Variants in TNFRSF13B observed in about 807,000 individuals in gnomAD.
TNFRSF13B encodes the protein tumor necrosis factor receptor superfamily member 13B.
A neutral mutation model predicts 24.0 loss-of-function variants in TNFRSF13B; 34 were observed. The ratio of observed to expected loss-of-function variants is 1.41; its 90% CI spans 1.08 to 1.88. TNFRSF13B has a LOEUF of 1.88. Ranked by LOEUF, TNFRSF13B falls within the 40% of genes most tolerant of loss-of-function variation. The pLI is 0.00. For missense variants in TNFRSF13B, 415 were observed against 380.8 expected (o/e 1.09, Z -0.75); for synonymous variants, 173 against 150.3 (o/e 1.15, Z -1.10).
chr17:16,964,954 G>A (rs1029119046), intron 1 of TNFRSF13B, among the ~76,000 whole-genome samples: 3 of 152,086 alleles, frequency 2.0e-5, no homozygotes, highest in South Asian at 2.1e-4. Context: ...TCAAGGGTGT[G>A]TACATGACAA....
chr17:16,964,806 ACCCAGAGTGTG>A (rs1186292628), intron 1 of TNFRSF13B, among the ~76,000 whole-genome samples: 1 of 152,122 alleles, frequency 6.6e-6, no homozygotes, highest in African/African-American at 2.4e-5. Flanking sequence ...TGGTTCAGTG[ACCCAGAGTGTG>A]CCGGAGTGAA....
At chr17:16,946,324 A>C (rs1431912625) in intron 3 of TNFRSF13B, among the ~76,000 whole-genome samples, 1 of 152,222 alleles carries the variant, frequency 6.6e-6, no homozygotes, top group Admixed American at 6.5e-5. Flanking sequence ...ACAGGCCGAG[A>C]GCAGGGCAGA....
At chr17:16,954,707 G>C (rs1430605005) in intron 1 of TNFRSF13B, among the ~76,000 whole-genome samples, 4 of 152,208 alleles carry the variant, frequency 2.6e-5, no homozygotes, top group Admixed American at 2.6e-4. Flanking sequence ...GGCAGGGCTG[G>C]GCAGAAGGGG....
chr17:16,954,935 C>G (rs1328549150), intron 1 of TNFRSF13B, among the ~76,000 whole-genome samples: 3 of 152,198 alleles, frequency 2.0e-5, no homozygotes, highest in Non-Finnish European at 4.4e-5. Context: ...CTTACCCACC[C>G]CAGTTTCTAT....
At chr17:16,962,875 A>G (rs955433842) in intron 1 of TNFRSF13B, among the ~76,000 whole-genome samples, 1 of 152,210 alleles carries the variant, frequency 6.6e-6, no homozygotes, top group African/African-American at 2.4e-5. Context: ...GGGAAGCTGC[A>G]TGCATGCAGA....
intron 2 of TNFRSF13B, among the ~76,000 whole-genome samples, chr17:16,951,865 GCAA>G (rs1205760032): frequency 6.6e-6 from 1 of 151,944 alleles, no homozygotes; most frequent in African/African-American, 2.4e-5. Context: ...TCCAGCCTGA[GCAA>G]CAAGAGCGAA....
At chr17:16,963,463 C>G (rs73292853) in intron 1 of TNFRSF13B, among the ~76,000 whole-genome samples, 28,089 of 152,184 alleles carry the variant, frequency 0.18, 3,293 homozygotes, top group East Asian at 0.47. Flanking sequence ...CCAAGAAAAC[C>G]TGTAGATGTG....
rs1450830399 is a variant in TNFRSF13B at position 16,957,669 on chromosome 17, A to G, written c.62-5086T>C. On this transcript the variant is annotated intron_variant, in intron 1 of 4. Coordinates refer to ENST00000261652, the MANE Select transcript of TNFRSF13B (RefSeq NM_012452.3). ...AACAGCTGATTTCTCCTAAGAAACC[A>G]TGGCAGCCAGAAGGTAGTGAAATGA... 5.3e-5 allele frequency among the ~76,000 whole-genome samples: 8 copies of G among 152,230 alleles called. No homozygotes were observed. In the South Asian group the frequency reaches 8.3e-4, roughly 16 times the overall value.
rs1236338617 is a variant in TNFRSF13B at position 16,939,399 on chromosome 17, CTCTCTCCCTCTCTGTCTCCTCTGTT to C, written c.*123_*147del. On this transcript the variant is annotated 3_prime_UTR_variant, in exon 5 of 5. Coordinates refer to ENST00000261652, the MANE Select transcript of TNFRSF13B (RefSeq NM_012452.3). ...CCTCTGTCTCTCTCTCCCTCTGTCT[CTCTCTCCCTCTCTGTCTCCTCTGTT>C]TCTCTCCCTCTCTGCCTCCTCTGTC... is the stretch of plus-strand genomic sequence containing the variant. The C allele has an allele frequency of 2.1e-5, 20 of 952,830 alleles. No individual in the cohort carries two copies. The highest frequency in any genetic ancestry group is 1.1e-4 in the Admixed American group (4 of 34,844). The allele number at this position is 952,830 out of a possible 1,614,324, so 59.0% of individuals were successfully genotyped here.
intron 3 of TNFRSF13B, chr17:16,941,575 C>T: frequency 4.1e-6 from 4 of 987,516 alleles, no homozygotes; most frequent in Non-Finnish European, 4.8e-6. Flanking sequence ...CCCCCTTCAT[C>T]TTCCCGCTCT....
chr17:16,939,090 A>C lies in TNFRSF13B; in HGVS notation c.*457T>G. ...AGACCCAACCACAATGCAGTGAGGA[A>C]GGGCAGCTGCCAAAGGTTTTATTCT... On this transcript the variant is annotated 3_prime_UTR_variant, in exon 5 of 5. Transcript: ENST00000261652. 1 of 157,028 alleles carries C rather than the reference A, an allele frequency of 6.4e-6. No homozygotes were observed. Among genetic ancestry groups the C allele is most frequent in the Non-Finnish European group, 1.4e-5 (1 of 71,246 alleles). 9.7% of individuals were successfully genotyped at this position (157,028 alleles called of 1,614,324 possible). A position where few individuals can be genotyped will look rare whatever the true frequency, so the allele number is the denominator to read the frequency against.
intron 3 of TNFRSF13B, among the ~76,000 whole-genome samples, chr17:16,942,143 A>T (rs2087515232): frequency 6.6e-6 from 1 of 152,262 alleles, no homozygotes; most frequent in Middle Eastern, 3.4e-3. Flanking sequence ...GTCACATAAT[A>T]GCTCTGTTTT....
chr17:16,941,230 G>A (rs1018771937), intron 3 of TNFRSF13B: 257 of 987,608 alleles, frequency 2.6e-4, no homozygotes, highest in Non-Finnish European at 3.0e-4. Flanking sequence ...ACAGACATGG[G>A]TCGCACGACA....
intron 1 of TNFRSF13B, among the ~76,000 whole-genome samples, chr17:16,971,715 C>T (rs1217482272): frequency 2.0e-5 from 3 of 151,940 alleles, no homozygotes; most frequent in African/African-American, 2.4e-5. Context: ...AATGGTCCAG[C>T]GGGCATGTAA....
intron 1 of TNFRSF13B, among the ~76,000 whole-genome samples, chr17:16,963,201 G>T (rs970185075): frequency 6.6e-6 from 1 of 152,202 alleles, no homozygotes; most frequent in African/African-American, 2.4e-5. Flanking sequence ...GCCTAGTATG[G>T]TATTGAGCAC....
rs375035528 is a variant in TNFRSF13B at position 16,940,034 on chromosome 17, C to A, written c.632-237G>T. On this transcript the variant is annotated intron_variant, in intron 4 of 4. Coordinates refer to ENST00000261652, the MANE Select transcript of TNFRSF13B (RefSeq NM_012452.3). ...TCCAGCACCGAGCCTGCCACGCCCC[C>A]CAAGGGGACACCTCCTCCTGGGCTT... 2,309 of 981,986 alleles carry A rather than the reference C, an allele frequency of 2.4e-3. 27 individuals are homozygous for A. The highest frequency in any genetic ancestry group is 0.021 in the South Asian group (1,196 of 57,004). The allele number at this position is 981,986 out of a possible 1,614,324, so 60.8% of individuals were successfully genotyped here.
intron 3 of TNFRSF13B, among the ~76,000 whole-genome samples, chr17:16,947,716 A>G (rs1018903962): frequency 1.3e-5 from 2 of 152,222 alleles, no homozygotes; most frequent in Non-Finnish European, 2.9e-5. Context: ...TGGTGAGGCT[A>G]CAGAGAAAAG....
intron 3 of TNFRSF13B, chr17:16,941,543 GC>G (rs1318666883): frequency 3.0e-6 from 3 of 987,504 alleles, no homozygotes; most frequent in African/African-American, 3.5e-5. Flanking sequence ...CCCACTTCGT[GC>G]CGGGCACTTC....
rs1290842931 is a variant in TNFRSF13B, at chr17:16,957,841, A to C, written c.62-5258T>G. 1.3e-5 allele frequency among the ~76,000 whole-genome samples: 2 copies of C among 152,218 alleles called. 1 individual carries two copies. The highest frequency in any genetic ancestry group is 2.9e-5 in the Non-Finnish European group (2 of 68,034). The stretch of plus-strand genomic sequence containing the variant: ...TGCATTATCAGTAAACTTGCCCTAC[A>C]AGAAATCCTAAAGTGAGTCTTTCAT... On this transcript the variant is annotated intron_variant, in intron 1 of 4. Coordinates refer to ENST00000261652, the MANE Select transcript of TNFRSF13B (RefSeq NM_012452.3).
Sources: gnomAD v4.1 joint callset for allele counts (sites outside exome capture counted in the v4.1 genomes callset) on GRCh38, gnomAD v4.1.1 for gene constraint, MANE v1.5 for transcripts, NCBI Gene and HGNC (gene_info 2026-07-23, HGNC 2026-07-21) for gene names.